SNX8: variants seen among roughly 807,000 people sequenced by gnomAD.
SNX8 encodes sorting nexin 8.
A neutral mutation model predicts 51.6 loss-of-function variants in SNX8; 25 were observed. That is an observed-to-expected ratio of 0.48 (90% CI 0.35 to 0.68). SNX8 has a LOEUF of 0.68. Among genes scored for constraint, SNX8 ranks in the 30% least tolerant of loss-of-function variants. The pLI, the probability that SNX8 is intolerant of heterozygous loss-of-function variation, is 0.00. For missense variants in SNX8, 695 were observed against 624.0 expected (o/e 1.11, Z -1.21); for synonymous variants, 324 against 277.0 (o/e 1.17, Z -1.68).
intron 2 of SNX8, 76 bp from the exon 3 acceptor site, chr7:2,275,305 G>A (rs1210119309): frequency 1.3e-5 from 13 of 981,458 alleles, no homozygotes; most frequent in Admixed American, 3.4e-5. Flanking sequence ...AACAGAGCCC[G>A]GGAAAACGAC....
rs1796486802 is a variant in SNX8, at chr7:2,304,148, C to T, written c.94+10180G>A. The stretch of plus-strand genomic sequence containing the variant: ...TGCCACTGCACTCCAGCCTGGACGA[C>T]AGAGCGAGACTCCGTCTCAAAAAAA... On this transcript the variant is annotated intron_variant, in intron 1 of 10. Transcript: ENST00000222990. Among the ~76,000 whole-genome samples the T allele has an allele frequency of 2.1e-5, 3 of 142,844 alleles. No homozygotes were observed. The South Asian group carries it at 6.6e-4, about 31-fold the overall frequency. The allele number at this position is 142,844 out of a possible 152,430, so 93.7% of individuals were successfully genotyped here. A position where few individuals can be genotyped will look rare whatever the true frequency, so the allele number is the denominator to read the frequency against.
intron 1 of SNX8, among the ~76,000 whole-genome samples, chr7:2,282,903 C>T (rs1331561618): frequency 6.6e-6 from 1 of 152,170 alleles, no homozygotes; most frequent in East Asian, 1.9e-4. Context: ...GGGTGGATCA[C>T]GAGGTCAGGA....
intron 4 of SNX8, 87 bp from the exon 5 acceptor site, chr7:2,269,726 TC>T: frequency 2.6e-6 from 2 of 767,958 alleles, no homozygotes; most frequent in South Asian, 3.3e-5. Flanking sequence ...GAGCGGGAGG[TC>T]GTCTTTCCTC....
intron 1 of SNX8, among the ~76,000 whole-genome samples, chr7:2,304,577 G>C (rs978204794): frequency 2.8e-4 from 42 of 152,202 alleles, no homozygotes; most frequent in African/African-American, 9.6e-4. Flanking sequence ...CCCAAGGACA[G>C]GGGCAGATGG....
intron 1 of SNX8, among the ~76,000 whole-genome samples, chr7:2,325,784 A>G (rs1176750089): frequency 6.6e-6 from 1 of 152,160 alleles, no homozygotes; most frequent in Non-Finnish European, 1.5e-5. Flanking sequence ...GTGAGCCAAG[A>G]TCGTGCCACT....
intron 1 of SNX8, among the ~76,000 whole-genome samples, chr7:2,327,306 C>G (rs909346830): frequency 6.6e-6 from 1 of 152,104 alleles, no homozygotes. Context: ...GTGGTGCAAT[C>G]TCGGCTCACT....
At chr7:2,345,966 C>G (rs1166799837) in intron 1 of SNX8, among the ~76,000 whole-genome samples, 1 of 151,908 alleles carries the variant, frequency 6.6e-6, no homozygotes, top group Non-Finnish European at 1.5e-5. Flanking sequence ...CACCACCACT[C>G]CCAGCTAATT....
At chr7:2,341,165 T>C (rs1168771746) in intron 1 of SNX8, among the ~76,000 whole-genome samples, 2 of 141,936 alleles carry the variant, frequency 1.4e-5, no homozygotes, top group East Asian at 4.1e-4. Flanking sequence ...AGATCTTCTC[T>C]TAAAAAAAAA....
chr7:2,338,152 C>G (rs1412229116), intron 1 of SNX8, among the ~76,000 whole-genome samples: 3 of 151,896 alleles, frequency 2.0e-5, no homozygotes, highest in Non-Finnish European at 4.4e-5. Flanking sequence ...ATGGCGAAAC[C>G]CCATCTCTAC....
chr7:2,335,358 C>T (rs1028080810), intron 1 of SNX8, among the ~76,000 whole-genome samples: 6 of 152,070 alleles, frequency 3.9e-5, no homozygotes, highest in Non-Finnish European at 7.4e-5. Context: ...GCCTCTCAAA[C>T]AGCATGCTAG....
intron 1 of SNX8, among the ~76,000 whole-genome samples, chr7:2,320,588 G>A (rs1014717974): frequency 6.6e-6 from 1 of 152,014 alleles, no homozygotes; most frequent in African/African-American, 2.4e-5. Context: ...TAGCCTGGTG[G>A]TGGTGTGTTC....
In SNX8 at chr7:2,263,568, G is replaced by A. The variant is rs191656110; in HGVS notation, c.783-206C>T. Among the ~76,000 whole-genome samples the A allele has an allele frequency of 4.3e-3, 650 of 152,304 alleles. 2 individuals carry two copies. The highest frequency in any genetic ancestry group is 4.6e-3 in the South Asian group (22 of 4,828). ...GGGGCTGCACCTCAGGACCTGCTGC[G>A]TCTCTTCTTCCCAACCAGCCCCCAG... On this transcript the variant is annotated intron_variant, in intron 6 of 10. Coordinates refer to ENST00000222990, the MANE Select transcript of SNX8 (RefSeq NM_013321.4).
At chr7:2,341,356 G>A (rs1203678455) in intron 1 of SNX8, among the ~76,000 whole-genome samples, 1 of 151,602 alleles carries the variant, frequency 6.6e-6, no homozygotes, top group African/African-American at 2.4e-5. Flanking sequence ...AAAATTAGCC[G>A]GGTGTGGTGG....
chr7:2,278,160 C>G lies in SNX8; in HGVS notation c.240G>C (p.Glu80Asp), dbSNP rs1481731495. Reference sequence around the variant, plus strand: ...AGAGGCCCTTCTTCTCCGGAATGAGCTCCACCTGCACGGTGTCCCTGGCCA... The same window carrying G: ...AGAGGCCCTTCTTCTCCGGAATGAGGTCCACCTGCACGGTGTCCCTGGCCA... ...ELLARDTVQVELIPEKKGLFL... is the reference protein window; with the variant it reads ...ELLARDTVQVDLIPEKKGLFL... The change falls in exon 2 of 11, where the codon GAG becomes GAC. Residue 80 changes from glutamate (E) to aspartate (D), a missense_variant. Physicochemically the swap from Glu to Asp is conservative, Grantham distance 45 (BLOSUM62 2). Coordinates refer to ENST00000222990, the MANE Select transcript of SNX8 (RefSeq NM_013321.4). 2 of 1,614,034 alleles carry G rather than the reference C, an allele frequency of 1.2e-6. No homozygotes were observed. Among genetic ancestry groups the G allele is most frequent in the African/African-American group, 2.7e-5 (2 of 74,946 alleles).
At chr7:2,275,984 C>T (rs1449138351) in intron 2 of SNX8, among the ~76,000 whole-genome samples, 6 of 147,512 alleles carry the variant, frequency 4.1e-5, no homozygotes, top group Admixed American at 3.4e-4. Flanking sequence ...GGCGGCAGAG[C>T]GAGACTCCAT....
intron 1 of SNX8, among the ~76,000 whole-genome samples, chr7:2,329,776 C>T (rs1277929249): frequency 1.3e-5 from 2 of 151,660 alleles, no homozygotes; most frequent in Non-Finnish European, 2.9e-5. Context: ...AGCTCCACCG[C>T]CCCTGCCCCA....
At chr7:2,322,018 C>T (rs990545284) in intron 1 of SNX8, among the ~76,000 whole-genome samples, 6 of 152,176 alleles carry the variant, frequency 3.9e-5, no homozygotes, top group African/African-American at 1.4e-4. Context: ...CCACTGCGCC[C>T]GGCCTCGAAT....
chr7:2,343,401 C>T (rs1274654299), intron 1 of SNX8, among the ~76,000 whole-genome samples: 1 of 152,030 alleles, frequency 6.6e-6, no homozygotes, highest in Non-Finnish European at 1.5e-5. Flanking sequence ...ACAGGCCGGG[C>T]ATGGTGGCTC....
intron 1 of SNX8, among the ~76,000 whole-genome samples, chr7:2,340,441 T>G (rs1024265748): frequency 1.3e-5 from 2 of 151,608 alleles, no homozygotes; most frequent in Non-Finnish European, 2.9e-5. Flanking sequence ...TTTTCTTGCT[T>G]TTTTTTTGGA....
Sources: allele counts gnomAD v4.1 joint callset (sites outside exome capture counted in the v4.1 genomes callset), GRCh38; gene constraint gnomAD v4.1.1; transcripts MANE v1.5; gene names NCBI Gene and HGNC (gene_info 2026-07-23, HGNC 2026-07-21).